Variants in RNF135 observed in about 807,000 individuals in gnomAD.
The protein encoded by RNF135 is E3 ubiquitin-protein ligase RNF135.
A neutral mutation model predicts 41.9 loss-of-function variants in RNF135; 46 were observed. The ratio of observed to expected loss-of-function variants is 1.10; its 90% CI spans 0.87 to 1.40. The LOEUF is 1.40. RNF135 is among the 40% of genes most tolerant of loss of function. RNF135 has a pLI of 0.00. For synonymous variants in RNF135, 238 were observed against 223.8 expected (o/e 1.06, Z -0.57); for missense variants, 539 against 549.8 (o/e 0.98, Z 0.20).
chr17:30,975,347 T>C (rs1020471949), intron 1 of RNF135: 24 of 719,224 alleles, frequency 3.3e-5, no homozygotes, highest in Non-Finnish European at 5.6e-5. Flanking sequence ...TTGCTACTTA[T>C]GCCTGCACCT....
intron 2 of RNF135, among the ~76,000 whole-genome samples, chr17:30,985,265 A>C (rs1209690168): frequency 6.6e-6 from 1 of 152,176 alleles, no homozygotes. Context: ...TCTTCCCTGC[A>C]TCCATGGCTT....
the RNF135 span, among the ~76,000 whole-genome samples, chr17:30,963,093 CTTTTTTT>C: frequency 3.0e-5 from 3 of 99,384 alleles, no homozygotes; most frequent in African/African-American, 5.7e-5. Flanking sequence ...GATTCCCTAG[CTTTTTTT>C]TTTTTTTTTT....
the RNF135 span, among the ~76,000 whole-genome samples, chr17:30,964,546 G>A: frequency 6.6e-6 from 1 of 152,038 alleles, no homozygotes; most frequent in Non-Finnish European, 1.5e-5. Flanking sequence ...GGAGTTTGCA[G>A]TGAGGCAAGA....
intron 2 of RNF135, 44 bp from the exon 3 acceptor site, chr17:30,987,900 A>G (rs1567745735): frequency 6.5e-7 from 1 of 1,536,212 alleles, no homozygotes; most frequent in Non-Finnish European, 9.0e-7. Flanking sequence ...GATAGACTGC[A>G]TAGGGGACTT....
intron 1 of RNF135, chr17:30,978,873 A>T (rs1327545283): frequency 6.6e-6 from 1 of 151,914 alleles, no homozygotes; most frequent in African/African-American, 2.7e-5. Context: ...CCCTTAATCC[A>T]TTTAACCCTG....
intron 1 of RNF135, among the ~76,000 whole-genome samples, chr17:30,977,476 A>T (rs1254063809): frequency 2.0e-5 from 3 of 152,042 alleles, no homozygotes; most frequent in Non-Finnish European, 4.4e-5. Context: ...TGGGTTCAAG[A>T]AATTCTCCTG....
At chr17:30,987,813 C>T (rs1400884280) in intron 2 of RNF135, 131 bp from the exon 3 acceptor site, 53 of 841,982 alleles carry the variant, frequency 6.3e-5, no homozygotes, top group Non-Finnish European at 9.6e-5. Flanking sequence ...TTTTGAGGGC[C>T]TAATTTTGTT....
intron 1 of RNF135, among the ~76,000 whole-genome samples, chr17:30,980,522 C>T (rs1267934373): frequency 3.6e-5 from 5 of 137,068 alleles, no homozygotes; most frequent in East Asian, 4.9e-4. Context: ...ACCTCCCTCC[C>T]GGACGGGGTG....
At chr17:30,961,005 C>T in the RNF135 span, among the ~76,000 whole-genome samples, 1 of 152,224 alleles carries the variant, frequency 6.6e-6, no homozygotes, top group South Asian at 2.1e-4. Context: ...TCCCAAAGTG[C>T]TGGGATTACA....
the RNF135 span, among the ~76,000 whole-genome samples, chr17:30,960,348 C>T: frequency 3.3e-5 from 5 of 150,876 alleles, no homozygotes; most frequent in South Asian, 2.1e-4. Flanking sequence ...ACCAAGATTG[C>T]GCCACTGCAC....
chr17:30,979,673 A>G (rs1434565461), intron 1 of RNF135, among the ~76,000 whole-genome samples: 2 of 67,456 alleles, frequency 3.0e-5, no homozygotes, highest in African/African-American at 5.9e-5. Context: ...GATCCCCCCC[A>G]CCTCCCTCCC....
rs1248960289 is a variant in RNF135, at chr17:30,988,926, T to A, written c.679+820T>A. On this transcript the variant is annotated intron_variant, in intron 3 of 4. Coordinates refer to ENST00000328381, the MANE Select transcript of RNF135 (RefSeq NM_032322.4). ...TTTTTTTTTTCTTTTCTTTCTTTCT[T>A]TTTTTTTTTTTTTTTTTTAAGTAGA... Among the ~76,000 whole-genome samples, 24 of 100,952 alleles carry A rather than the reference T, an allele frequency of 2.4e-4. No individual in the cohort carries two copies. The East Asian group carries it at 4.5e-3, about 19-fold the overall frequency. The allele number at this position is 100,952 out of a possible 152,430, so 66.2% of individuals were successfully genotyped here. A position where few individuals can be genotyped will look rare whatever the true frequency, so the allele number is the denominator to read the frequency against.
the RNF135 span, among the ~76,000 whole-genome samples, chr17:30,961,544 C>T: frequency 6.6e-6 from 1 of 152,084 alleles, no homozygotes; most frequent in Non-Finnish European, 1.5e-5. Context: ...CTCACTACAA[C>T]CTCTGCCTCC....
intron 3 of RNF135, among the ~76,000 whole-genome samples, chr17:30,996,878 G>A (rs1178469751): frequency 6.6e-6 from 1 of 152,184 alleles, no homozygotes; most frequent in South Asian, 2.1e-4. Context: ...TATTCTAGGT[G>A]TTAGGGTGCT....
At chr17:30,985,917 C>G (rs1237530144) in intron 2 of RNF135, among the ~76,000 whole-genome samples, 2 of 152,120 alleles carry the variant, frequency 1.3e-5, no homozygotes, top group African/African-American at 4.8e-5. Flanking sequence ...TCACGTCTTC[C>G]CACTACAGGG....
chr17:30,960,912 T>C, the RNF135 span, among the ~76,000 whole-genome samples: 1 of 151,814 alleles, frequency 6.6e-6, no homozygotes, highest in African/African-American at 2.4e-5. Context: ...GCTAATTTTT[T>C]GTATTTTTAG....
chr17:30,995,050 C>T (rs1266142886), intron 3 of RNF135, among the ~76,000 whole-genome samples: 1 of 152,066 alleles, frequency 6.6e-6, no homozygotes, highest in African/African-American at 2.4e-5. Flanking sequence ...TCAGCCTCCC[C>T]AGTAGCCAGG....
rs563554632 is a variant in RNF135 at position 30,981,333 on chromosome 17, A to G, written c.373-3284A>G. Among the ~76,000 whole-genome samples the G allele has an allele frequency of 9.1e-3, 1,136 of 125,354 alleles. 14 individuals are homozygous for G. Among genetic ancestry groups the G allele is most frequent in the African/African-American group, 0.047 (1,083 of 22,948 alleles). 82.2% of individuals were successfully genotyped at this position (125,354 alleles called of 152,430 possible). A position where few individuals can be genotyped will look rare whatever the true frequency, so the allele number is the denominator to read the frequency against. On this transcript the variant is annotated intron_variant, in intron 1 of 4. Coordinates refer to ENST00000328381, the MANE Select transcript of RNF135 (RefSeq NM_032322.4). ...CAGTACCGTCCAGCTTTGGCTCAGC[A>G]TCAGAGGGAGACCGTGGAGGGAGAG...
At chr17:30,985,055 T>C (rs961094945) in intron 2 of RNF135, among the ~76,000 whole-genome samples, 3 of 152,190 alleles carry the variant, frequency 2.0e-5, no homozygotes, top group Non-Finnish European at 2.9e-5. Context: ...CCTGTCTTCA[T>C]TGACCTTTCA....
Sources: allele counts gnomAD v4.1 joint callset (sites outside exome capture counted in the v4.1 genomes callset), GRCh38; gene constraint gnomAD v4.1.1; transcripts MANE v1.5; gene names NCBI Gene and HGNC (gene_info 2026-07-23, HGNC 2026-07-21).